AP4E1: variants seen among roughly 807,000 people sequenced by gnomAD.
AP4E1 encodes the protein adaptor related protein complex 4 subunit epsilon 1.
Under a neutral mutation model 128.2 loss-of-function variants are expected in AP4E1, and 56 were observed. The observed-to-expected ratio is 0.44, with a 90% CI of 0.35 to 0.55. The LOEUF (loss-of-function observed/expected upper bound fraction) is 0.55. Among genes scored for constraint, AP4E1 ranks in the 20% least tolerant of loss-of-function variants. The pLI is 0.00. For synonymous variants in AP4E1, 484 were observed against 473.1 expected, an observed-to-expected ratio of 1.02 and a Z score of -0.30; for missense variants, 1,324 against 1,307.7, an observed-to-expected ratio of 1.01 and a Z score of -0.19.
chr15:50,965,073 G>C (rs1288147003), intron 14 of AP4E1, among the ~76,000 whole-genome samples: 2 of 151,750 alleles, frequency 1.3e-5, no homozygotes, highest in Non-Finnish European at 2.9e-5. Flanking sequence ...AAAAGCTTCT[G>C]AGGCCTTACA....
chr15:50,986,431 A>G (rs1395858859), intron 16 of AP4E1, among the ~76,000 whole-genome samples: 1 of 152,142 alleles, frequency 6.6e-6, no homozygotes, highest in Non-Finnish European at 1.5e-5. Context: ...TCAGTATGAT[A>G]TTGGCTGTGG....
At chr15:50,942,046 A>G (rs764966767) in intron 10 of AP4E1, among the ~76,000 whole-genome samples, 15 of 152,044 alleles carry the variant, frequency 9.9e-5, no homozygotes, top group Non-Finnish European at 7.4e-5. Flanking sequence ...CCTCCTGAGT[A>G]GCTGGGATTA....
intron 10 of AP4E1, among the ~76,000 whole-genome samples, chr15:50,947,465 T>C (rs1394081266): frequency 1.3e-5 from 2 of 149,710 alleles, no homozygotes; most frequent in African/African-American, 5.0e-5. Flanking sequence ...CCTTGATGAC[T>C]GAGATTTTGA....
intron 14 of AP4E1, among the ~76,000 whole-genome samples, chr15:50,967,588 T>C (rs2064410940): frequency 6.6e-6 from 1 of 152,206 alleles, no homozygotes; most frequent in Non-Finnish European, 1.5e-5. Flanking sequence ...GTAGTATATA[T>C]GTCTGTTTCT....
rs987333956 is a variant in AP4E1, at chr15:50,908,884, C to G, written c.106C>G (p.Leu36Val). 5 of 1,610,408 alleles carry G rather than the reference C, an allele frequency of 3.1e-6. No individual in the cohort carries two copies. Among genetic ancestry groups the G allele is most frequent in the Non-Finnish European group, 4.2e-6 (5 of 1,179,282 alleles). Reference protein sequence around the residue: ...AAAKASFSSRLGSLVRGITAL... With the variant: ...AAAKASFSSRVGSLVRGITAL... Reference sequence around the variant, plus strand: ...CGCCAAGGCGTCCTTCTCCTCGAGGCTGGGCAGCCTTGTCCGCGGCATCAC... The same window carrying G: ...CGCCAAGGCGTCCTTCTCCTCGAGGGTGGGCAGCCTTGTCCGCGGCATCAC... Residue 36 changes from leucine to valine, a missense_variant, in exon 1 of 21, where the codon CTG becomes GTG. Physicochemically the swap from Leu to Val is conservative, Grantham distance 32 (BLOSUM62 1). Transcript: ENST00000261842.
intron 15 of AP4E1, among the ~76,000 whole-genome samples, chr15:50,972,783 G>A (rs911839847): frequency 2.0e-5 from 3 of 152,192 alleles, no homozygotes; most frequent in Admixed American, 1.3e-4. Context: ...AGTAGCCTAT[G>A]GGGCTGTTTC....
chr15:50,925,750 C>T (rs547190688), intron 5 of AP4E1, among the ~76,000 whole-genome samples: 5 of 151,480 alleles, frequency 3.3e-5, no homozygotes, highest in African/African-American at 1.2e-4. Context: ...CTGCCTCAGC[C>T]TCCCATGTAG....
intron 13 of AP4E1, among the ~76,000 whole-genome samples, chr15:50,951,698 A>C (rs1054840874): frequency 6.7e-6 from 1 of 148,154 alleles, no homozygotes; most frequent in Non-Finnish European, 1.5e-5. Context: ...ATATACTTTT[A>C]GTTTAGTTTT....
Position 50,968,257 on chromosome 15 carries a change from A to G in AP4E1, c.1852-6A>G. ...AATTCCTAATTTTTGCTTAATTTTA[A>G]TATAGGTAGATGCTTCTTTATCTTT... On this transcript the variant is annotated splice_polypyrimidine_tract_variant and splice_region_variant and intron_variant, in intron 14 of 20. Transcript: ENST00000261842. The G allele has an allele frequency of 6.3e-7, 1 of 1,599,292 alleles. No homozygotes were observed. Among genetic ancestry groups the G allele is most frequent in the Non-Finnish European group, 8.6e-7 (1 of 1,168,440 alleles).
At chr15:50,916,176 C>T (rs1252200190) in intron 3 of AP4E1, among the ~76,000 whole-genome samples, 6 of 152,182 alleles carry the variant, frequency 3.9e-5, no homozygotes, top group South Asian at 2.1e-4. Context: ...GTGATCCACA[C>T]GCCTTGGCCT....
intron 15 of AP4E1, among the ~76,000 whole-genome samples, chr15:50,970,651 C>G (rs933561975): frequency 6.6e-6 from 1 of 152,050 alleles, no homozygotes; most frequent in African/African-American, 2.4e-5. Flanking sequence ...AACTTAAAAT[C>G]TGTTTTGTTT....
At chr15:50,947,945 A>T in intron 10 of AP4E1, 75 bp from the exon 11 acceptor site, 1 of 1,217,486 alleles carries the variant, frequency 8.2e-7, no homozygotes, top group East Asian at 2.5e-5. Flanking sequence ...TGTATGGTCA[A>T]CCTTTATGTT....
chr15:50,956,917 C>T (rs536482144), intron 13 of AP4E1, among the ~76,000 whole-genome samples: 8 of 152,246 alleles, frequency 5.3e-5, no homozygotes, highest in East Asian at 3.9e-4. Flanking sequence ...CAACCCCTCG[C>T]GGGAGGGTGA....
At chr15:50,937,535 AT>A (rs2063922867) in intron 8 of AP4E1, among the ~76,000 whole-genome samples, 1 of 152,230 alleles carries the variant, frequency 6.6e-6, no homozygotes. Context: ...TAGTGGAAAG[AT>A]AACTTGTTCA....
intron 8 of AP4E1, among the ~76,000 whole-genome samples, chr15:50,940,064 T>G (rs1054877646): frequency 6.6e-6 from 1 of 152,204 alleles, no homozygotes; most frequent in African/African-American, 2.4e-5. Context: ...AAAAATAGGC[T>G]GAAGGCTGGA....
intron 10 of AP4E1, among the ~76,000 whole-genome samples, chr15:50,943,694 A>G (rs2064018854): frequency 6.6e-6 from 1 of 152,152 alleles, no homozygotes; most frequent in Non-Finnish European, 1.5e-5. Context: ...GTATGTTCTA[A>G]TACACCCATT....
rs1400378182 is a variant in AP4E1 at position 51,004,062 on chromosome 15, A to C, written c.*1400A>C. 6.6e-6 allele frequency: 1 copy of C among 152,162 alleles called. No homozygotes were observed. Among genetic ancestry groups the C allele is most frequent in the Non-Finnish European group, 1.5e-5 (1 of 68,020 alleles). 9.4% of individuals were successfully genotyped at this position (152,162 alleles called of 1,614,324 possible). On this transcript the variant is annotated 3_prime_UTR_variant, in exon 21 of 21. Transcript: ENST00000261842. Reference sequence around the variant, plus strand: ...TCATTAAAAAATATATAACATCTTAATTTTATTCTTTTAAAAACATACAGT... The same window carrying C: ...TCATTAAAAAATATATAACATCTTACTTTTATTCTTTTAAAAACATACAGT...
intron 16 of AP4E1, among the ~76,000 whole-genome samples, chr15:50,991,904 G>A (rs1341351831): frequency 6.7e-6 from 1 of 150,282 alleles, no homozygotes; most frequent in Non-Finnish European, 1.5e-5. Flanking sequence ...TTTTAAAAAT[G>A]CCATTTTGGA....
rs773774673 is a variant in AP4E1 at position 50,941,786 on chromosome 15, ATT to A, written c.1176+14_1176+15del. On this transcript the variant is annotated intron_variant, in intron 10 of 20. Transcript: ENST00000261842. ...ATTATTAAAAGAGAGGTAAACTGGT[ATT>A]TTGAATAGTATATGTGAAGTGTTAA... 9 of 1,588,718 alleles carry A rather than the reference ATT, an allele frequency of 5.7e-6. No individual in the cohort carries two copies. In the African/African-American group the frequency reaches 1.1e-4, roughly 19 times the overall value.
Sources: allele counts gnomAD v4.1 joint callset (sites outside exome capture counted in the v4.1 genomes callset), GRCh38; gene constraint gnomAD v4.1.1; transcripts MANE v1.5; gene names NCBI Gene and HGNC (gene_info 2026-07-23, HGNC 2026-07-21).